Variants in CCSER1 observed in about 807,000 individuals in gnomAD.
CCSER1 encodes the protein serine-rich coiled-coil domain-containing protein 1.
CCSER1 carries 41 observed loss-of-function variants against 82.0 expected under a neutral mutation model. The ratio of observed to expected loss-of-function variants is 0.50; its 90% CI spans 0.39 to 0.65. The LOEUF is 0.65. Ranked by LOEUF, CCSER1 falls within the 30% of genes least tolerant of loss-of-function variation. The pLI is 0.00. For synonymous variants in CCSER1, 414 were observed against 383.9 expected, an observed-to-expected ratio of 1.08 and a Z score of -0.92; for missense variants, 1,119 against 1,064.2, an observed-to-expected ratio of 1.05 and a Z score of -0.72.
intron 8 of CCSER1, among the ~76,000 whole-genome samples, chr4:90,909,946 T>A (rs1028407923): frequency 2.0e-5 from 3 of 152,220 alleles, no homozygotes; most frequent in Non-Finnish European, 4.4e-5. Context: ...TATAAAGAAC[T>A]ACCTGAGACT....
intron 8 of CCSER1, among the ~76,000 whole-genome samples, chr4:90,891,013 C>T (rs752369989): frequency 1.3e-5 from 2 of 151,854 alleles, no homozygotes; most frequent in Non-Finnish European, 2.9e-5. Flanking sequence ...AGCAAAGTAA[C>T]AATAATATCC....
chr4:90,461,368 G>T (rs913465134), intron 4 of CCSER1, among the ~76,000 whole-genome samples: 1 of 151,182 alleles, frequency 6.6e-6, no homozygotes, highest in South Asian at 2.1e-4. Context: ...CGCCCGGCCC[G>T]GCTATTTTTA....
intron 10 of CCSER1, among the ~76,000 whole-genome samples, chr4:91,375,982 T>C (rs1173655796): frequency 1.3e-5 from 2 of 152,076 alleles, no homozygotes; most frequent in Non-Finnish European, 2.9e-5. Context: ...CAATTATATA[T>C]ATTAAAAAGA....
At chr4:91,080,679 T>C (rs1722607273) in intron 9 of CCSER1, among the ~76,000 whole-genome samples, 1 of 151,672 alleles carries the variant, frequency 6.6e-6, no homozygotes, top group Non-Finnish European at 1.5e-5. Context: ...GCAAGACTAA[T>C]ATGGAAGAAA....
intron 10 of CCSER1, among the ~76,000 whole-genome samples, chr4:91,274,762 A>G (rs572681014): frequency 2.0e-5 from 3 of 152,172 alleles, no homozygotes; most frequent in Admixed American, 1.3e-4. Context: ...TATTTTTGCT[A>G]TTGTGAATAA....
At chr4:90,323,782 T>G (rs1350555114) in intron 3 of CCSER1, among the ~76,000 whole-genome samples, 1 of 152,152 alleles carries the variant, frequency 6.6e-6, no homozygotes, top group Non-Finnish European at 1.5e-5. Context: ...ACTCGTCATT[T>G]AGCATTAGGT....
intron 5 of CCSER1, among the ~76,000 whole-genome samples, chr4:90,500,736 A>G (rs1769735527): frequency 6.6e-6 from 1 of 152,190 alleles, no homozygotes. Flanking sequence ...AAGAAAACAA[A>G]CAAACAAATA....
At chr4:90,271,302 A>G (rs1265948233) in intron 1 of CCSER1, among the ~76,000 whole-genome samples, 1 of 152,148 alleles carries the variant, frequency 6.6e-6, no homozygotes, top group Non-Finnish European at 1.5e-5. Flanking sequence ...ATATAGATCA[A>G]TGGAGCATAA....
chr4:90,616,022 C>G (rs1430422612), intron 5 of CCSER1, among the ~76,000 whole-genome samples: 1 of 152,140 alleles, frequency 6.6e-6, no homozygotes, highest in East Asian at 1.9e-4. Context: ...CTCTCACTAG[C>G]AAAAGATTAG....
At chr4:90,522,647 T>A (rs756825560) in intron 5 of CCSER1, among the ~76,000 whole-genome samples, 2 of 152,172 alleles carry the variant, frequency 1.3e-5, no homozygotes, top group Non-Finnish European at 2.9e-5. Flanking sequence ...CTGTTAAGAA[T>A]TCTTCTGTGA....
At chr4:91,576,946 T>C (rs1450695263) in intron 10 of CCSER1, among the ~76,000 whole-genome samples, 1 of 151,774 alleles carries the variant, frequency 6.6e-6, no homozygotes, top group Admixed American at 6.6e-5. Context: ...AGTGTGCATG[T>C]ATATCAAAAC....
At chr4:91,557,247 T>C (rs1001332222) in intron 10 of CCSER1, among the ~76,000 whole-genome samples, 21 of 151,562 alleles carry the variant, frequency 1.4e-4, no homozygotes, top group African/African-American at 4.8e-4. Flanking sequence ...TATTTGTTTC[T>C]GTAAAATTGT....
chr4:91,524,723 G>A (rs751656667), intron 10 of CCSER1, among the ~76,000 whole-genome samples: 3 of 152,116 alleles, frequency 2.0e-5, no homozygotes, highest in Non-Finnish European at 4.4e-5. Context: ...AGCCAAGAGT[G>A]ATTACACCGC....
chr4:90,150,449 A>T (rs2153350100), intron 1 of CCSER1, among the ~76,000 whole-genome samples: 1 of 152,246 alleles, frequency 6.6e-6, no homozygotes, highest in South Asian at 2.1e-4. Flanking sequence ...ATAATACTGC[A>T]TCTTGCTGCT....
chr4:91,488,031 T>C (rs1029893925), intron 10 of CCSER1, among the ~76,000 whole-genome samples: 5 of 152,104 alleles, frequency 3.3e-5, no homozygotes, highest in African/African-American at 1.2e-4. Flanking sequence ...TTAAGAAATA[T>C]TTTATAGAAA....
At chr4:91,255,062 G>T (rs780001105) in intron 10 of CCSER1, among the ~76,000 whole-genome samples, 8 of 151,980 alleles carry the variant, frequency 5.3e-5, no homozygotes, top group Non-Finnish European at 7.4e-5. Context: ...AGCAAACACT[G>T]TCAAGCAGAA....
chr4:90,705,689 A>C (rs906057877), intron 6 of CCSER1, among the ~76,000 whole-genome samples: 18 of 152,082 alleles, frequency 1.2e-4, no homozygotes, highest in African/African-American at 4.3e-4. Flanking sequence ...CCCCTCCCCC[A>C]GTCTCACTGC....
chr4:91,352,498 C>A (rs951036191), intron 10 of CCSER1, among the ~76,000 whole-genome samples: 15 of 152,220 alleles, frequency 9.9e-5, no homozygotes, highest in Non-Finnish European at 1.8e-4. Context: ...CCCGCCTCAG[C>A]ATCCCAAAGT....
intron 10 of CCSER1, among the ~76,000 whole-genome samples, chr4:91,438,794 A>G (rs1014036165): frequency 1.8e-4 from 28 of 152,248 alleles, no homozygotes; most frequent in African/African-American, 6.0e-4. Context: ...AAAGGAGCTG[A>G]TGGAGCTGAA....
Sources: allele counts gnomAD v4.1 joint callset (sites outside exome capture counted in the v4.1 genomes callset), GRCh38; gene constraint gnomAD v4.1.1; transcripts MANE v1.5; gene names NCBI Gene and HGNC (gene_info 2026-07-23, HGNC 2026-07-21).